WLS: variants seen among roughly 807,000 people sequenced by gnomAD.
WLS encodes Wnt ligand secretion mediator, also known as protein wntless homolog.
A neutral mutation model predicts 62.8 loss-of-function variants in WLS; 23 were observed. That is an observed-to-expected ratio of 0.37 (90% CI 0.26 to 0.52). The LOEUF is 0.52. WLS is among the 20% of genes least tolerant of loss of function. The pLI is 0.92. For synonymous variants in WLS, 246 were observed against 244.1 expected, an observed-to-expected ratio of 1.01 and a Z score of -0.07; for missense variants, 615 against 697.3, an observed-to-expected ratio of 0.88 and a Z score of 1.33.
At chr1:68,120,750 G>A (rs1646355017), downstream of WLS, among the ~76,000 whole-genome samples, 2 of 152,194 alleles carry the variant, frequency 1.3e-5, no homozygotes, top group Non-Finnish European at 2.9e-5. Flanking sequence ...TCGTGATGGA[G>A]AGAGCTTGAT....
intron 11 of WLS, among the ~76,000 whole-genome samples, chr1:68,111,378 T>C (rs750737967): frequency 6.6e-6 from 1 of 152,214 alleles, no homozygotes; most frequent in Admixed American, 6.5e-5. Flanking sequence ...ACCTGGGTAC[T>C]AATTCTTGTT....
chr1:68,117,702 T>C (rs1009614330), intron 11 of WLS: 2 of 152,438 alleles, frequency 1.3e-5, no homozygotes, highest in Middle Eastern at 3.4e-3. Context: ...CATTTCTTTG[T>C]CACAGACAGG....
At chr1:68,231,700 A>C (rs1373424509) in intron 1 of WLS, 2 of 457,814 alleles carry the variant, frequency 4.4e-6, no homozygotes, top group Non-Finnish European at 8.8e-6. Context: ...ATGCATTTAC[A>C]ACCGTGCAAG....
At chr1:68,219,353 T>C (rs1433130656) in intron 1 of WLS, among the ~76,000 whole-genome samples, 1 of 152,244 alleles carries the variant, frequency 6.6e-6, no homozygotes, top group Non-Finnish European at 1.5e-5. Flanking sequence ...TATGTCTTCC[T>C]TGGACCTTAG....
At chr1:68,205,955 A>G (rs1168469508) in intron 1 of WLS, among the ~76,000 whole-genome samples, 1 of 152,198 alleles carries the variant, frequency 6.6e-6, no homozygotes, top group Admixed American at 6.5e-5. Context: ...GTGTTGAAGG[A>G]ACAGTGGAGT....
chr1:68,136,826 AG>A lies in WLS; in HGVS notation c.1516+953del, dbSNP rs1283587155. On this transcript the variant is annotated intron_variant, in intron 11 of 11. Transcript: ENST00000262348. ...CCACTCATGCAACACACACTCACTG[AG>A]TACTTCCTAAAGGTGAGGCCAACCC... Among the ~76,000 whole-genome samples, 4 of 152,232 alleles carry A rather than the reference AG, an allele frequency of 2.6e-5. No individual in the cohort carries two copies. In the East Asian group the frequency reaches 7.7e-4, roughly 29 times the overall value.
intron 1 of WLS, among the ~76,000 whole-genome samples, chr1:68,218,650 G>A (rs536584214): frequency 2.6e-4 from 39 of 151,980 alleles, no homozygotes; most frequent in African/African-American, 8.9e-4. Flanking sequence ...CCCTGTTCCC[G>A]CCTCGCACCT....
rs377553356 is a variant in WLS, at chr1:68,232,311, C to A, written c.-12G>T. ...ATTGCCCCAGCCATTTTTGCGCCCCCCCTTTTTCTTTTCTCCTTGAAATAA... is the reference window on the plus strand; with the variant it reads ...ATTGCCCCAGCCATTTTTGCGCCCCACCTTTTTCTTTTCTCCTTGAAATAA... On this transcript the variant is annotated 5_prime_UTR_variant, in exon 1 of 12. Transcript: ENST00000262348. 2 of 1,613,126 alleles carry A rather than the reference C, an allele frequency of 1.2e-6. No individual in the cohort carries two copies. Among genetic ancestry groups the A allele is most frequent in the Non-Finnish European group, 1.7e-6 (2 of 1,179,642 alleles).
chr1:68,162,235 T>G, intron 2 of WLS: 2 of 1,520,784 alleles, frequency 1.3e-6, no homozygotes, highest in Non-Finnish European at 1.8e-6. Flanking sequence ...CCTGCCCTCC[T>G]TGAGAGCTTG....
chr1:68,158,190 T>G (rs1236793998), intron 3 of WLS, among the ~76,000 whole-genome samples: 1 of 152,196 alleles, frequency 6.6e-6, no homozygotes, highest in Non-Finnish European at 1.5e-5. Context: ...AGACATTGAC[T>G]TAATAGGTTC....
At chr1:68,163,506 T>G (rs1570928314) in intron 2 of WLS, among the ~76,000 whole-genome samples, 1 of 152,012 alleles carries the variant, frequency 6.6e-6, no homozygotes, top group Non-Finnish European at 1.5e-5. Flanking sequence ...CGAGCCACCT[T>G]AAAATGACGC....
chr1:68,182,212 G>T (rs1355454435), intron 2 of WLS, among the ~76,000 whole-genome samples: 4 of 152,152 alleles, frequency 2.6e-5, no homozygotes. Context: ...TTCTGAATTG[G>T]AATTTTTCAT....
chr1:68,198,294 C>A (rs549836340), intron 1 of WLS, among the ~76,000 whole-genome samples: 1 of 152,266 alleles, frequency 6.6e-6, no homozygotes, highest in Admixed American at 6.5e-5. Context: ...GTTATAAAAC[C>A]ATGAGCTATT....
intron 1 of WLS, among the ~76,000 whole-genome samples, chr1:68,206,348 A>G (rs1188346714): frequency 6.6e-6 from 1 of 152,198 alleles, no homozygotes; most frequent in Non-Finnish European, 1.5e-5. Flanking sequence ...CAATCTTGCA[A>G]GTTCTCAGGA....
chr1:68,134,810 T>G (rs1306696360), intron 11 of WLS, among the ~76,000 whole-genome samples: 1 of 152,194 alleles, frequency 6.6e-6, no homozygotes, highest in African/African-American at 2.4e-5. Context: ...AAGAGTGAAG[T>G]GCTTTTCTCA....
chr1:68,104,024 C>G (rs1366126077), intron 11 of WLS, among the ~76,000 whole-genome samples: 1 of 152,140 alleles, frequency 6.6e-6, no homozygotes. Flanking sequence ...CCACACCCAG[C>G]AAGCCACACT....
intron 2 of WLS, among the ~76,000 whole-genome samples, chr1:68,170,658 T>G (rs1175641699): frequency 1.3e-5 from 2 of 151,954 alleles, no homozygotes; most frequent in African/African-American, 2.4e-5. Context: ...TCTTCTGGAA[T>G]TCCCCCCAGA....
chr1:68,228,842 C>CAAAAAAAAAAAAAAAAAAAAAAAAAAA (rs66626696), intron 1 of WLS, among the ~76,000 whole-genome samples: 1 of 58,022 alleles, frequency 1.7e-5, no homozygotes, highest in Admixed American at 3.5e-4. Flanking sequence ...ACACTGGTGC[C>CAAAAAAAAAAAAAAAAAAAAAAAAAAA]AAAAAAAAAA....
chr1:68,148,754 A>G, intron 6 of WLS, 94 bp from the exon 7 acceptor site: 1 of 1,112,064 alleles, frequency 9.0e-7, no homozygotes, highest in Non-Finnish European at 1.3e-6. Flanking sequence ...CTTGCCGACC[A>G]CCTATTGTGT....
Sources: gnomAD v4.1 joint callset for allele counts (sites outside exome capture counted in the v4.1 genomes callset) on GRCh38, gnomAD v4.1.1 for gene constraint, MANE v1.5 for transcripts, NCBI Gene and HGNC (gene_info 2026-07-23, HGNC 2026-07-21) for gene names.